GMDS: variants seen among roughly 807,000 people sequenced by gnomAD.
The protein encoded by GMDS is GDP-mannose 4,6-dehydratase.
Under a neutral mutation model 49.9 loss-of-function variants are expected in GMDS, and 20 were observed. The observed-to-expected ratio is 0.40, with a 90% CI of 0.28 to 0.58. The LOEUF (loss-of-function observed/expected upper bound fraction) is 0.58. GMDS is among the 20% of genes least tolerant of loss of function. The probability of loss-of-function intolerance (pLI) is 0.42; values close to 1 mark genes in which losing one functional copy is unlikely to be tolerated. For missense variants in GMDS, 362 were observed against 481.4 expected (o/e 0.75, Z 2.32); for synonymous variants, 177 against 178.6 (o/e 0.99, Z 0.07).
chr6:2,089,829 A>G (rs1287994339), intron 4 of GMDS, among the ~76,000 whole-genome samples: 2 of 152,286 alleles, frequency 1.3e-5, no homozygotes, highest in Admixed American at 1.3e-4. Flanking sequence ...ACTTGTGGTT[A>G]CACCTTCTTA....
intron 4 of GMDS, among the ~76,000 whole-genome samples, chr6:1,964,194 G>A (rs1326969926): frequency 6.6e-6 from 1 of 152,188 alleles, no homozygotes; most frequent in Non-Finnish European, 1.5e-5. Flanking sequence ...TCAAGTGTCT[G>A]TACTCAAAAT....
intron 1 of GMDS, among the ~76,000 whole-genome samples, chr6:2,217,594 A>G (rs1780399822): frequency 6.6e-6 from 1 of 152,240 alleles, no homozygotes; most frequent in African/African-American, 2.4e-5. Context: ...TGTGCTTACA[A>G]TAATGCTGCA....
intron 9 of GMDS, among the ~76,000 whole-genome samples, chr6:1,701,681 A>G (rs953521080): frequency 6.6e-5 from 10 of 152,176 alleles, no homozygotes; most frequent in African/African-American, 2.4e-4. Context: ...ACGTTAATCC[A>G]TTAAATCAAA....
chr6:1,952,353 G>A (rs527653316), intron 6 of GMDS, among the ~76,000 whole-genome samples: 1 of 152,258 alleles, frequency 6.6e-6, no homozygotes, highest in East Asian at 1.9e-4. Flanking sequence ...AAATTTGTAA[G>A]TTAAACAAGT....
At chr6:2,093,091 C>T (rs1773412258) in intron 4 of GMDS, among the ~76,000 whole-genome samples, 1 of 152,118 alleles carries the variant, frequency 6.6e-6, no homozygotes, top group South Asian at 2.1e-4. Flanking sequence ...AGCAGGAAAC[C>T]TATAGTCTCA....
At chr6:1,680,160 C>A (rs1223785413) in intron 9 of GMDS, among the ~76,000 whole-genome samples, 3 of 152,222 alleles carry the variant, frequency 2.0e-5, no homozygotes, top group Non-Finnish European at 4.4e-5. Flanking sequence ...GGAAATTCTA[C>A]TGCCTAAGAA....
At chr6:2,174,006 G>A (rs147739733) in intron 1 of GMDS, among the ~76,000 whole-genome samples, 2,236 of 152,192 alleles carry the variant, frequency 0.015, 32 homozygotes, top group Non-Finnish European at 0.022. Context: ...TCCAACCCTC[G>A]ATCCCAATAC....
chr6:1,680,111 G>A lies in GMDS; in HGVS notation c.987+46305C>T, dbSNP rs6916845. On this transcript the variant is annotated intron_variant, in intron 9 of 10. Coordinates refer to ENST00000380815, the MANE Select transcript of GMDS (RefSeq NM_001500.4). ...GCTAAGTCTTGTACACTGAAATTAC[G>A]CGCACTTTGTAGATGATATTTTCAG... is the stretch of plus-strand genomic sequence containing the variant. Among the ~76,000 whole-genome samples, 1,204 of 152,200 alleles carry A rather than the reference G, an allele frequency of 7.9e-3. 12 individuals carry two copies. The highest frequency in any genetic ancestry group is 0.028 in the African/African-American group (1,149 of 41,506).
At chr6:1,936,801 T>C (rs1762569376) in intron 6 of GMDS, among the ~76,000 whole-genome samples, 1 of 152,004 alleles carries the variant, frequency 6.6e-6, no homozygotes, top group Admixed American at 6.6e-5. Context: ...ACCTCATCTC[T>C]ACTAAAAATA....
At chr6:1,712,151 C>T (rs1221944357) in intron 9 of GMDS, among the ~76,000 whole-genome samples, 1 of 152,190 alleles carries the variant, frequency 6.6e-6, no homozygotes, top group East Asian at 1.9e-4. Flanking sequence ...CAGTCAGATA[C>T]AGAAGATGCT....
intron 7 of GMDS, among the ~76,000 whole-genome samples, chr6:1,801,840 G>A (rs188012672): frequency 1.2e-4 from 18 of 152,316 alleles, no homozygotes; most frequent in African/African-American, 4.3e-4. Flanking sequence ...GCTTTCATGA[G>A]GGGACAAAGA....
intron 7 of GMDS, among the ~76,000 whole-genome samples, chr6:1,747,066 T>A (rs1767527170): frequency 6.6e-6 from 1 of 151,974 alleles, no homozygotes; most frequent in Non-Finnish European, 1.5e-5. Flanking sequence ...ATTTGGTAAT[T>A]TGAGGGGTGG....
At chr6:1,941,728 A>G (rs1762832954) in intron 6 of GMDS, among the ~76,000 whole-genome samples, 1 of 152,158 alleles carries the variant, frequency 6.6e-6, no homozygotes, top group South Asian at 2.1e-4. Context: ...ATGACGGAGA[A>G]ACTGATCCAG....
At chr6:2,066,659 G>A (rs2127454095) in intron 4 of GMDS, among the ~76,000 whole-genome samples, 1 of 152,218 alleles carries the variant, frequency 6.6e-6, no homozygotes, top group East Asian at 1.9e-4. Context: ...GATCAAAAGA[G>A]ACAAAGAATG....
At chr6:1,848,138 G>A (rs555850592) in intron 7 of GMDS, among the ~76,000 whole-genome samples, 6 of 152,166 alleles carry the variant, frequency 3.9e-5, no homozygotes, top group South Asian at 4.2e-4. Flanking sequence ...GATCCACACC[G>A]GCTACAGAGT....
intron 9 of GMDS, among the ~76,000 whole-genome samples, chr6:1,656,485 C>T (rs193122004): frequency 7.2e-5 from 11 of 152,188 alleles, no homozygotes; most frequent in African/African-American, 2.4e-4. Flanking sequence ...TTTCTGGGGC[C>T]GGGAGTGGTG....
intron 7 of GMDS, among the ~76,000 whole-genome samples, chr6:1,796,045 G>A (rs1172421754): frequency 6.6e-6 from 1 of 152,148 alleles, no homozygotes; most frequent in Non-Finnish European, 1.5e-5. Context: ...TGTGGCTTCA[G>A]CGGAAAGAGT....
At chr6:1,830,882 C>A (rs542235389) in intron 7 of GMDS, among the ~76,000 whole-genome samples, 2 of 152,106 alleles carry the variant, frequency 1.3e-5, no homozygotes, top group Non-Finnish European at 2.9e-5. Flanking sequence ...TTTTGTAGAC[C>A]GATATGTGAA....
chr6:1,983,462 AT>A (rs1765344508), intron 4 of GMDS, among the ~76,000 whole-genome samples: 1 of 152,224 alleles, frequency 6.6e-6, no homozygotes, highest in South Asian at 2.1e-4. Context: ...ATGGAAAAAA[AT>A]TTTTCCAATC....
Sources: gnomAD v4.1 joint callset for allele counts (sites outside exome capture counted in the v4.1 genomes callset) on GRCh38, gnomAD v4.1.1 for gene constraint, MANE v1.5 for transcripts, NCBI Gene and HGNC (gene_info 2026-07-23, HGNC 2026-07-21) for gene names.